The following LRRC7 variants were observed in gnomAD, a reference collection of about 807,000 sequenced individuals.
LRRC7 encodes leucine-rich repeat-containing protein 7.
Under a neutral mutation model 175.7 loss-of-function variants are expected in LRRC7, and 23 were observed. That is an observed-to-expected ratio of 0.13 (90% CI 0.09 to 0.19). The LOEUF is 0.19. Among genes scored for constraint, LRRC7 ranks in the 10% least tolerant of loss-of-function variants. The probability of loss-of-function intolerance (pLI) is 1.00; values close to 1 mark genes in which losing one functional copy is unlikely to be tolerated. For synonymous variants in LRRC7, 685 were observed against 680.9 expected, an observed-to-expected ratio of 1.01 and a Z score of -0.09; for missense variants, 1,354 against 1,904.7, an observed-to-expected ratio of 0.71 and a Z score of 5.38.
chr1:69,871,193 G>A (rs561328992), intron 7 of LRRC7, among the ~76,000 whole-genome samples: 12 of 152,086 alleles, frequency 7.9e-5, no homozygotes, highest in South Asian at 2.1e-4. Flanking sequence ...TGATGTATAC[G>A]TATGCCCTAT....
At chr1:69,776,109 G>C (rs1672779941) in intron 3 of LRRC7, among the ~76,000 whole-genome samples, 1 of 152,100 alleles carries the variant, frequency 6.6e-6, no homozygotes, top group Admixed American at 6.6e-5. Flanking sequence ...TCCCAGCTTG[G>C]GGAAGGTTCT....
chr1:69,964,133 A>G (rs1651420093), intron 8 of LRRC7, among the ~76,000 whole-genome samples: 1 of 152,112 alleles, frequency 6.6e-6, no homozygotes, highest in South Asian at 2.1e-4. Context: ...CCCTCCCCAT[A>G]TATTAGCTGT....
chr1:69,604,568 G>A (rs1301094762), intron 1 of LRRC7, among the ~76,000 whole-genome samples: 1 of 152,148 alleles, frequency 6.6e-6, no homozygotes, highest in Non-Finnish European at 1.5e-5. Context: ...CTCTAGCAGA[G>A]AACAGAACCC....
At chr1:69,643,945 G>T (rs986182621) in intron 1 of LRRC7, among the ~76,000 whole-genome samples, 6 of 151,602 alleles carry the variant, frequency 4.0e-5, no homozygotes, top group African/African-American at 1.5e-4. Context: ...CATTGAAGAA[G>T]GAATCACAAA....
intron 2 of LRRC7, among the ~76,000 whole-genome samples, chr1:69,718,796 G>T (rs1263689420): frequency 6.6e-6 from 1 of 151,768 alleles, no homozygotes; most frequent in African/African-American, 2.4e-5. Context: ...GAGATTCAAA[G>T]AGGGCAACAG....
intron 2 of LRRC7, among the ~76,000 whole-genome samples, chr1:69,694,780 G>T (rs1429004899): frequency 1.3e-5 from 2 of 151,282 alleles, no homozygotes. Flanking sequence ...CATGTGATAT[G>T]CCAGTTCACC....
Position 70,132,457 on chromosome 1 carries a change from C to CTTTTTTTTTTTT in LRRC7, c.*10585_*10596dup, listed in dbSNP as rs149091576. Among the ~76,000 whole-genome samples the CTTTTTTTTTTTT allele has an allele frequency of 1.3e-5, 1 of 76,448 alleles. No homozygotes were observed. Among genetic ancestry groups the CTTTTTTTTTTTT allele is most frequent in the African/African-American group, 5.7e-5 (1 of 17,644 alleles). 50.2% of individuals were successfully genotyped at this position (76,448 alleles called of 152,430 possible). A position where few individuals can be genotyped will look rare whatever the true frequency, so the allele number is the denominator to read the frequency against. ...TTTCTTTTTTCTTTTCTTTTCTTTT[C>CTTTTTTTTTTTT]TTTTTTTTTTTTTTTTTTTTTTTTT... On this transcript the variant is annotated 3_prime_UTR_variant, in exon 27 of 27. Transcript: ENST00000651989.
chr1:69,952,594 CTTATG>C (rs758232746), intron 8 of LRRC7, among the ~76,000 whole-genome samples: 2 of 151,906 alleles, frequency 1.3e-5, no homozygotes, highest in Non-Finnish European at 2.9e-5. Flanking sequence ...ACATTTTTGT[CTTATG>C]TTAATAAGAC....
chr1:69,706,862 C>T (rs1664100863), intron 2 of LRRC7, among the ~76,000 whole-genome samples: 1 of 152,084 alleles, frequency 6.6e-6, no homozygotes, highest in Admixed American at 6.6e-5. Context: ...TGTTTTTATT[C>T]ATTGATTCAA....
rs568705985 is a variant in LRRC7, at chr1:69,621,020, C to T, written c.2+52379C>T. Among the ~76,000 whole-genome samples, 9 of 151,572 alleles carry T rather than the reference C, an allele frequency of 5.9e-5. 2 individuals are homozygous for T. The South Asian group carries it at 1.9e-3, about 32-fold the overall frequency. ...GCCTTTTCTCTGTTCTTTCTACTTT[C>T]TTATATTTCTTTCTTCTTTTTTTTT... On this transcript the variant is annotated intron_variant, in intron 1 of 26. Coordinates refer to ENST00000651989, the MANE Select transcript of LRRC7 (RefSeq NM_001370785.2).
chr1:69,767,303 T>C (rs1452638606), intron 3 of LRRC7, among the ~76,000 whole-genome samples: 1 of 152,116 alleles, frequency 6.6e-6, no homozygotes, highest in Non-Finnish European at 1.5e-5. Flanking sequence ...ATGCAGAAAA[T>C]TTGTTATAAA....
intron 1 of LRRC7, among the ~76,000 whole-genome samples, chr1:69,630,308 T>C (rs922006790): frequency 6.6e-6 from 1 of 152,190 alleles, no homozygotes; most frequent in Non-Finnish European, 1.5e-5. Context: ...CAGTTTTCAA[T>C]ATTGTGCTAT....
At chr1:69,977,989 C>T (rs566930241) in intron 8 of LRRC7, among the ~76,000 whole-genome samples, 1 of 151,774 alleles carries the variant, frequency 6.6e-6, no homozygotes, top group African/African-American at 2.4e-5. Flanking sequence ...GCCCAGTGGG[C>T]AGCCCGTTTG....
At chr1:69,931,430 G>A in intron 7 of LRRC7, 77 bp from the exon 8 acceptor site, 3 of 1,138,898 alleles carry the variant, frequency 2.6e-6, no homozygotes, top group Non-Finnish European at 3.9e-6. Context: ...AAATCTGACA[G>A]GAAGGTGGTT....
chr1:69,975,857 A>C (rs953197149), intron 8 of LRRC7, among the ~76,000 whole-genome samples: 4 of 150,932 alleles, frequency 2.7e-5, no homozygotes, highest in Admixed American at 6.6e-5. Flanking sequence ...TTGTGCTGTC[A>C]ATCTCCTCTT....
intron 24 of LRRC7, among the ~76,000 whole-genome samples, chr1:70,083,598 C>G (rs1663382731): frequency 6.6e-6 from 1 of 152,160 alleles, no homozygotes; most frequent in Non-Finnish European, 1.5e-5. Context: ...TCGTCTCTCT[C>G]CTTCACTCCA....
chr1:69,825,700 A>C (rs550309513), intron 4 of LRRC7, 48 bp from the exon 5 acceptor site: 1 of 1,248,372 alleles, frequency 8.0e-7, no homozygotes, highest in African/African-American at 1.5e-5. Flanking sequence ...TAGTTTAAAG[A>C]ATATTTGTTG....
intron 4 of LRRC7, among the ~76,000 whole-genome samples, chr1:69,792,752 G>C (rs966010907): frequency 6.6e-6 from 1 of 152,016 alleles, no homozygotes; most frequent in African/African-American, 2.4e-5. Context: ...GAATTTAGTA[G>C]TTTTTGTTGT....
chr1:69,903,805 A>G (rs2101676028), intron 7 of LRRC7, among the ~76,000 whole-genome samples: 1 of 152,196 alleles, frequency 6.6e-6, no homozygotes, highest in East Asian at 1.9e-4. Flanking sequence ...GAAACAATAA[A>G]AAATGATAAA....
Sources: gnomAD v4.1 joint callset for allele counts (sites outside exome capture counted in the v4.1 genomes callset) on GRCh38, gnomAD v4.1.1 for gene constraint, MANE v1.5 for transcripts, NCBI Gene and HGNC (gene_info 2026-07-23, HGNC 2026-07-21) for gene names.